Variants in NIBAN1 observed in about 807,000 individuals in gnomAD.
The protein encoded by NIBAN1 is niban apoptosis regulator 1.
Under a neutral mutation model 75.1 loss-of-function variants are expected in NIBAN1, and 81 were observed. The observed-to-expected ratio is 1.08, with a 90% CI of 0.90 to 1.30. NIBAN1 has a LOEUF of 1.30. Ranked by LOEUF, NIBAN1 falls within the 50% of genes most tolerant of loss-of-function variation. The probability of loss-of-function intolerance (pLI) is 0.00; values close to 1 mark genes in which losing one functional copy is unlikely to be tolerated. For missense variants in NIBAN1, 1,133 were observed against 1,128.1 expected, an observed-to-expected ratio of 1.00 and a Z score of -0.06; for synonymous variants, 436 against 424.8, an observed-to-expected ratio of 1.03 and a Z score of -0.32.
intron 5 of NIBAN1, among the ~76,000 whole-genome samples, chr1:184,879,679 A>G (rs1255073537): frequency 1.3e-5 from 2 of 152,224 alleles, no homozygotes; most frequent in East Asian, 1.9e-4. Context: ...ATTTAATTCC[A>G]CAACATTTAT....
intron 4 of NIBAN1, among the ~76,000 whole-genome samples, chr1:184,886,422 T>C (rs1368014619): frequency 6.6e-6 from 1 of 152,216 alleles, no homozygotes; most frequent in Admixed American, 6.5e-5. Flanking sequence ...AGCACAGTCA[T>C]GGAACATAGC....
At chr1:184,931,539 A>G (rs1657823068) in intron 1 of NIBAN1, among the ~76,000 whole-genome samples, 1 of 152,240 alleles carries the variant, frequency 6.6e-6, no homozygotes, top group African/African-American at 2.4e-5. Flanking sequence ...AAAGCATAGA[A>G]ATGAAGTTGG....
chr1:184,880,450 T>G (rs542377425), intron 5 of NIBAN1, among the ~76,000 whole-genome samples: 1 of 152,338 alleles, frequency 6.6e-6, no homozygotes, highest in East Asian at 1.9e-4. Flanking sequence ...AAGTTCCTAA[T>G]ATGCATCACA....
intron 12 of NIBAN1, among the ~76,000 whole-genome samples, chr1:184,800,225 T>C (rs1310879080): frequency 6.6e-6 from 1 of 150,444 alleles, no homozygotes. Context: ...TGTTTTTTTC[T>C]TGTAAATTTG....
At chr1:184,823,518 G>A in intron 7 of NIBAN1, 120 bp downstream of exon 7, 2 of 1,271,346 alleles carry the variant, frequency 1.6e-6, no homozygotes, top group Non-Finnish European at 2.2e-6. Context: ...CAGGTTCGAA[G>A]TAGGCATTTC....
intron 5 of NIBAN1, among the ~76,000 whole-genome samples, chr1:184,845,170 T>C (rs898793520): frequency 3.3e-5 from 5 of 152,358 alleles, no homozygotes; most frequent in Admixed American, 3.3e-4. Context: ...CCTGGGATCC[T>C]GTGCATCATC....
chr1:184,954,846 T>C lies in NIBAN1; in HGVS notation c.55+19456A>G, dbSNP rs76780677. On this transcript the variant is annotated intron_variant, in intron 1 of 13. Coordinates refer to ENST00000367511, the MANE Select transcript of NIBAN1 (RefSeq NM_052966.4). ...GCAGATGAGAACAGCTCATTCAGCT[T>C]CTGAGATTACAATAAAAGAGTTGGA... Among the ~76,000 whole-genome samples, 168 of 152,278 alleles carry C rather than the reference T, an allele frequency of 1.1e-3. 1 individual carries two copies. The highest frequency in any genetic ancestry group is 3.9e-3 in the African/African-American group (162 of 41,566).
At chr1:184,944,567 G>A (rs574288423) in intron 1 of NIBAN1, among the ~76,000 whole-genome samples, 141 of 152,352 alleles carry the variant, frequency 9.3e-4, no homozygotes, top group Non-Finnish European at 1.6e-3. Context: ...GGTAGGGTTG[G>A]AGTACATGTC....
intron 1 of NIBAN1, among the ~76,000 whole-genome samples, chr1:184,957,139 G>A (rs179854): frequency 0.2 from 30,354 of 152,150 alleles, 3,340 homozygotes; most frequent in East Asian, 0.35. Context: ...CTCACAGTTA[G>A]GAAAAGATGC....
intron 5 of NIBAN1, among the ~76,000 whole-genome samples, chr1:184,861,500 G>A (rs977055677): frequency 2.0e-5 from 3 of 151,286 alleles, no homozygotes; most frequent in African/African-American, 7.3e-5. Context: ...GGGACAAGAG[G>A]AAAGAAGACA....
intron 1 of NIBAN1, among the ~76,000 whole-genome samples, chr1:184,961,057 CTTTTTTTTTTTTTTT>C (rs1168955438): frequency 3.5e-5 from 2 of 57,810 alleles, no homozygotes; most frequent in African/African-American, 9.5e-5. Context: ...ATATGCCGTT[CTTTTTTTTTTTTTTT>C]TTTTTTTTTT....
intron 5 of NIBAN1, among the ~76,000 whole-genome samples, chr1:184,870,210 C>A (rs985123788): frequency 2.6e-5 from 4 of 152,158 alleles, no homozygotes; most frequent in Admixed American, 6.5e-5. Flanking sequence ...CTTTAAATAA[C>A]CTTAAATGAG....
intron 1 of NIBAN1, among the ~76,000 whole-genome samples, chr1:184,956,486 A>C (rs1004140829): frequency 1.3e-5 from 2 of 152,216 alleles, no homozygotes; most frequent in Non-Finnish European, 2.9e-5. Flanking sequence ...ATTTAGCAGT[A>C]CTTGTGACTT....
chr1:184,932,104 G>T (rs575511650), intron 1 of NIBAN1, among the ~76,000 whole-genome samples: 1 of 152,288 alleles, frequency 6.6e-6, no homozygotes, highest in East Asian at 1.9e-4. Context: ...TGTTCCTTGA[G>T]ATGATCTAGA....
At chr1:184,941,670 A>G (rs1340757194) in intron 1 of NIBAN1, among the ~76,000 whole-genome samples, 2 of 152,036 alleles carry the variant, frequency 1.3e-5, no homozygotes, top group East Asian at 1.9e-4. Context: ...AAAAAAAAAA[A>G]ACCTGGGAAA....
chr1:184,872,414 T>A (rs1656134254), intron 5 of NIBAN1, among the ~76,000 whole-genome samples: 1 of 151,842 alleles, frequency 6.6e-6, no homozygotes, highest in African/African-American at 2.4e-5. Flanking sequence ...AAATTAAAAG[T>A]TAACAAGTAG....
At chr1:184,903,605 G>A (rs574716714) in intron 1 of NIBAN1, among the ~76,000 whole-genome samples, 3 of 152,122 alleles carry the variant, frequency 2.0e-5, no homozygotes, top group South Asian at 4.1e-4. Flanking sequence ...CTCTTGCCAT[G>A]TGATGCACCT....
chr1:184,961,086 T>C (rs1199447507), intron 1 of NIBAN1, among the ~76,000 whole-genome samples: 9 of 140,454 alleles, frequency 6.4e-5, no homozygotes, highest in Non-Finnish European at 7.7e-5. Flanking sequence ...TTTTTTTTTT[T>C]CAGACGGAGT....
At chr1:184,952,399 T>TAAA (rs1658380503) in intron 1 of NIBAN1, among the ~76,000 whole-genome samples, 1 of 152,036 alleles carries the variant, frequency 6.6e-6, no homozygotes, top group African/African-American at 2.4e-5. Context: ...AGACCCTGTC[T>TAAA]CAAAAAAAGA....
Sources: allele counts gnomAD v4.1 joint callset (sites outside exome capture counted in the v4.1 genomes callset), GRCh38; gene constraint gnomAD v4.1.1; transcripts MANE v1.5; gene names NCBI Gene and HGNC (gene_info 2026-07-23, HGNC 2026-07-21).